The following LMBRD1 variants were observed in gnomAD, a reference collection of about 807,000 sequenced individuals.
LMBRD1 encodes the protein lysosomal cobalamin transport escort protein LMBD1.
LMBRD1 carries 64 observed loss-of-function variants against 74.8 expected under a neutral mutation model. The ratio of observed to expected loss-of-function variants is 0.86; its 90% CI spans 0.70 to 1.05. The LOEUF is 1.05. Ranked by LOEUF, LMBRD1 falls within the 50% of genes least tolerant of loss-of-function variation. The pLI is 0.00. For missense variants in LMBRD1, 652 were observed against 645.9 expected, an observed-to-expected ratio of 1.01 and a Z score of -0.10; for synonymous variants, 204 against 216.3, an observed-to-expected ratio of 0.94 and a Z score of 0.50.
intron 3 of LMBRD1, among the ~76,000 whole-genome samples, chr6:69,766,839 A>C (rs553026650): frequency 6.6e-6 from 1 of 151,786 alleles, no homozygotes; most frequent in South Asian, 2.1e-4. Flanking sequence ...TTGTGTGAAG[A>C]AATCTAGGTA....
At chr6:69,698,743 C>T (rs1037038753) in intron 13 of LMBRD1, among the ~76,000 whole-genome samples, 2 of 151,722 alleles carry the variant, frequency 1.3e-5, no homozygotes, top group South Asian at 2.1e-4. Context: ...TTCGTTAAAA[C>T]GTTATTTTAG....
At chr6:69,770,212 CAACT>C (rs1011668294) in intron 3 of LMBRD1, among the ~76,000 whole-genome samples, 2 of 152,170 alleles carry the variant, frequency 1.3e-5, no homozygotes, top group African/African-American at 4.8e-5. Flanking sequence ...GAGCACCACC[CAACT>C]GAGTGAGTCC....
chr6:69,693,290 T>A (rs1056011549), intron 14 of LMBRD1, among the ~76,000 whole-genome samples: 1 of 152,070 alleles, frequency 6.6e-6, no homozygotes, highest in Non-Finnish European at 1.5e-5. Context: ...AAACACAAAG[T>A]ACTTAAATTA....
intron 14 of LMBRD1, among the ~76,000 whole-genome samples, chr6:69,694,419 C>G (rs1255796144): frequency 3.3e-5 from 5 of 152,232 alleles, no homozygotes; most frequent in African/African-American, 1.2e-4. Context: ...CAACTATCAA[C>G]CCTACTTGTG....
chr6:69,679,747 T>C (rs976494193), intron 14 of LMBRD1, among the ~76,000 whole-genome samples: 4 of 152,234 alleles, frequency 2.6e-5, no homozygotes, highest in African/African-American at 9.6e-5. Flanking sequence ...TTTTTTGCCA[T>C]GTGTACAGGC....
At chr6:69,703,101 T>A (rs1436207653) in intron 9 of LMBRD1, among the ~76,000 whole-genome samples, 1 of 152,068 alleles carries the variant, frequency 6.6e-6, no homozygotes, top group African/African-American at 2.4e-5. Flanking sequence ...ATATTGCATG[T>A]ACTATTTTTC....
At chr6:69,770,496 G>C (rs1036153145) in intron 3 of LMBRD1, among the ~76,000 whole-genome samples, 1 of 152,148 alleles carries the variant, frequency 6.6e-6, no homozygotes, top group African/African-American at 2.4e-5. Flanking sequence ...GAGAGAATCT[G>C]CCAATTTTCA....
intron 3 of LMBRD1, among the ~76,000 whole-genome samples, chr6:69,771,973 A>G (rs1765586232): frequency 6.6e-6 from 1 of 152,190 alleles, no homozygotes. Flanking sequence ...AATGTGAAAA[A>G]GTAAAGATTC....
At chr6:69,728,699 C>T (rs371230481) in intron 7 of LMBRD1, among the ~76,000 whole-genome samples, 2 of 152,224 alleles carry the variant, frequency 1.3e-5, no homozygotes, top group Non-Finnish European at 2.9e-5. Flanking sequence ...TCAATTTCTA[C>T]AAATCCATCT....
intron 9 of LMBRD1, among the ~76,000 whole-genome samples, chr6:69,702,664 T>C (rs181307970): frequency 8.4e-4 from 128 of 152,140 alleles, no homozygotes; most frequent in Non-Finnish European, 1.5e-3. Flanking sequence ...TTGAAATCTA[T>C]GTTAGCAAAA....
chr6:69,714,952 G>A (rs563075582), intron 8 of LMBRD1, among the ~76,000 whole-genome samples: 1 of 152,138 alleles, frequency 6.6e-6, no homozygotes, highest in East Asian at 1.9e-4. Flanking sequence ...GTCTTGGGTG[G>A]AGCCTAGAAT....
chr6:69,794,231 G>A (rs1427971258), intron 1 of LMBRD1, among the ~76,000 whole-genome samples: 3 of 152,210 alleles, frequency 2.0e-5, no homozygotes, highest in Non-Finnish European at 4.4e-5. Flanking sequence ...GCATTAGCGT[G>A]AATCAAGACA....
chr6:69,744,572 G>C lies in LMBRD1; in HGVS notation c.474-2695C>G, dbSNP rs1290991957. On this transcript the variant is annotated intron_variant, in intron 5 of 15. Coordinates refer to ENST00000649934, the MANE Select transcript of LMBRD1 (RefSeq NM_018368.4). Reference sequence around the variant, plus strand: ...AGAAACAGACAAAGGAAAAGCTAATGAATTTCAGTAGATATGAAATGGAAA... The same window carrying C: ...AGAAACAGACAAAGGAAAAGCTAATCAATTTCAGTAGATATGAAATGGAAA... Among the ~76,000 whole-genome samples, 3 of 152,168 alleles carry C rather than the reference G, an allele frequency of 2.0e-5. No homozygotes were observed. In the East Asian group the frequency reaches 5.8e-4, roughly 29 times the overall value.
intron 3 of LMBRD1, among the ~76,000 whole-genome samples, chr6:69,758,684 A>G (rs1765315823): frequency 6.6e-6 from 1 of 152,154 alleles, no homozygotes; most frequent in South Asian, 2.1e-4. Context: ...GACTATTTAA[A>G]CCAGGAACTT....
intron 8 of LMBRD1, among the ~76,000 whole-genome samples, chr6:69,716,885 TATTA>T (rs1025843006): frequency 8.0e-5 from 12 of 150,746 alleles, no homozygotes; most frequent in Non-Finnish European, 1.5e-4. Context: ...AATATTTAAT[TATTA>T]ATTAATTTTA....
chr6:69,725,696 A>G (rs891371579), intron 7 of LMBRD1, among the ~76,000 whole-genome samples: 4 of 152,184 alleles, frequency 2.6e-5, no homozygotes, highest in Non-Finnish European at 5.9e-5. Context: ...AGAAGAATGA[A>G]TCTAGACCCC....
intron 3 of LMBRD1, among the ~76,000 whole-genome samples, chr6:69,764,923 C>A (rs1231570574): frequency 7.2e-6 from 1 of 138,766 alleles, no homozygotes; most frequent in Non-Finnish European, 1.6e-5. Context: ...TCCTTAATTT[C>A]TTTTCTTTTT....
intron 9 of LMBRD1, among the ~76,000 whole-genome samples, chr6:69,704,614 A>C (rs547029514): frequency 6.6e-6 from 1 of 152,218 alleles, no homozygotes; most frequent in African/African-American, 2.4e-5. Flanking sequence ...CAGTCCTAGA[A>C]TCAGACATTT....
At chr6:69,706,223 G>T in intron 9 of LMBRD1, 2 of 398,000 alleles carry the variant, frequency 5.0e-6, no homozygotes, top group Non-Finnish European at 4.7e-6. Context: ...CACAGCTCAA[G>T]AGAACAGCCG....
Sources: gnomAD v4.1 joint callset for allele counts (sites outside exome capture counted in the v4.1 genomes callset) on GRCh38, gnomAD v4.1.1 for gene constraint, MANE v1.5 for transcripts, NCBI Gene and HGNC (gene_info 2026-07-23, HGNC 2026-07-21) for gene names.